AMDHD2: variants seen among roughly 807,000 people sequenced by gnomAD.
The protein encoded by AMDHD2 is N-acetylglucosamine-6-phosphate deacetylase.
Under a neutral mutation model 41.8 loss-of-function variants are expected in AMDHD2, and 24 were observed. The observed-to-expected ratio is 0.57, with a 90% CI of 0.42 to 0.81. The LOEUF (loss-of-function observed/expected upper bound fraction) is 0.81. Among genes scored for constraint, AMDHD2 ranks in the 30% least tolerant of loss-of-function variants. AMDHD2 has a pLI of 0.00. For missense variants in AMDHD2, 540 were observed against 588.5 expected, an observed-to-expected ratio of 0.92 and a Z score of 0.85; for synonymous variants, 332 against 255.5, an observed-to-expected ratio of 1.30 and a Z score of -2.85.
In AMDHD2 at chr16:2,520,730, C is replaced by G. The variant is rs199856154; in HGVS notation, c.84-39C>G. 4.1e-5 allele frequency: 61 copies of G among 1,500,190 alleles called. No homozygotes were observed. The Admixed American group carries it at 1.1e-3, about 26-fold the overall frequency. 92.9% of individuals were successfully genotyped at this position (1,500,190 alleles called of 1,614,324 possible). On this transcript the variant is annotated intron_variant, in intron 1 of 10. Coordinates refer to ENST00000293971, the MANE Select transcript of AMDHD2 (RefSeq NM_001330449.2). Reference sequence around the variant, plus strand: ...GGGGTGCAGGGTGCGGGGCCGAGGTCAGGCCCGCGATGCGAGCGCCCACCC... The same window carrying G: ...GGGGTGCAGGGTGCGGGGCCGAGGTGAGGCCCGCGATGCGAGCGCCCACCC...
intron 3 of AMDHD2, among the ~76,000 whole-genome samples, chr16:2,522,715 A>G (rs964570041): frequency 2.6e-5 from 4 of 151,810 alleles, no homozygotes; most frequent in African/African-American, 7.3e-5. Context: ...GGATCTCATT[A>G]TGTTGATCAG....
rs377691972 is a variant in AMDHD2 at position 2,528,449 on chromosome 16, C to T, written c.863-3C>T. 1.2e-6 allele frequency: 2 copies of T among 1,612,872 alleles called. No homozygotes were observed. Among genetic ancestry groups the T allele is most frequent in the East Asian group, 2.2e-5 (1 of 44,878 alleles). On this transcript the variant is annotated splice_region_variant and splice_polypyrimidine_tract_variant and intron_variant, in intron 7 of 10. Transcript: ENST00000293971. ...AGCAGGTTCTGAGCCTCTTCTCCCC[C>T]AGGGCTGGTGCTGGTCACCGATGCC... is the stretch of plus-strand genomic sequence containing the variant.
intron 3 of AMDHD2, among the ~76,000 whole-genome samples, chr16:2,522,668 C>A (rs865993309): frequency 4.6e-4 from 69 of 151,434 alleles, no homozygotes; most frequent in Middle Eastern, 3.4e-3. Context: ...CAGATCGAGA[C>A]TCCATCTCAA....
At position 2,530,712 on chromosome 16, in the gene AMDHD2, AG is replaced by A. The variant is rs772671578; in HGVS notation, c.*1152del. 1 of 1,614,022 alleles carries A rather than the reference AG, an allele frequency of 6.2e-7. No homozygotes were observed. Among genetic ancestry groups the A allele is most frequent in the South Asian group, 1.1e-5 (1 of 91,084 alleles). On this transcript the variant is annotated 3_prime_UTR_variant, in exon 11 of 11. Transcript: ENST00000293971. ...GATGGTCTGGGCCCCACCTGTTGGA[AG>A]GGAACAGCCAGGGAAGAACCACCTG...
Position 2,527,819 on chromosome 16 carries a change from G to A in AMDHD2, c.462G>A (p.Ala154=), listed in dbSNP as rs376711195. 47 of 1,590,798 alleles carry A rather than the reference G, an allele frequency of 3.0e-5. No homozygotes were observed. The highest frequency in any genetic ancestry group is 6.7e-5 in the East Asian group (3 of 44,674). ...GPFISREKRG[A]HPEAHLRSFE... ...TCATCAGCCGGGAGAAGCGGGGCGC[G>A]CACCCCGAGGCCCACCTCCGCTCCT... The change falls in exon 5 of 11, where the codon GCG becomes GCA. Residue 154 remains alanine (A), a synonymous_variant. Transcript: ENST00000293971. The surrounding 1 kb of genome is among the most constrained non-coding windows in gnomAD (Gnocchi z 6.1).
intron 7 of AMDHD2, 24 bp from the exon 8 acceptor site, chr16:2,528,428 G>A (rs1340206205): frequency 6.2e-7 from 1 of 1,612,828 alleles, no homozygotes; most frequent in Non-Finnish European, 8.5e-7. Flanking sequence ...TGGGCTAGCA[G>A]GTTCTGAGCC....
In AMDHD2 at chr16:2,531,029, T is replaced by C. The variant is rs773644356; in HGVS notation, c.*1466T>C. The C allele has an allele frequency of 2.5e-6, 4 of 1,602,688 alleles. No homozygotes were observed. Among genetic ancestry groups the C allele is most frequent in the Admixed American group, 1.7e-5 (1 of 59,780 alleles). ...CAGCCGATGTGTTAGAGGTTGAGCA[T>C]CGCCTGTGCCCAGCTTGCTGGCTGT... On this transcript the variant is annotated 3_prime_UTR_variant, in exon 11 of 11. Transcript: ENST00000293971.
chr16:2,530,963 C>T lies in AMDHD2; in HGVS notation c.*1400C>T. ...GTGCTGGGCCTGGGAGAGGAGCTGT[C>T]TTGCCAGGGCTCCCAGGCAGGGAGA... On this transcript the variant is annotated 3_prime_UTR_variant, in exon 11 of 11. Coordinates refer to ENST00000293971, the MANE Select transcript of AMDHD2 (RefSeq NM_001330449.2). The T allele has an allele frequency of 6.2e-7, 1 of 1,613,484 alleles. No homozygotes were observed. Among genetic ancestry groups the T allele is most frequent in the African/African-American group, 1.3e-5 (1 of 75,028 alleles).
intron 3 of AMDHD2, among the ~76,000 whole-genome samples, chr16:2,525,706 G>A (rs1391191060): frequency 6.6e-6 from 1 of 152,032 alleles, no homozygotes; most frequent in African/African-American, 2.4e-5. Flanking sequence ...CACCACGCAC[G>A]GCTAATTTTT....
chr16:2,524,817 C>T (rs926557921), intron 3 of AMDHD2, among the ~76,000 whole-genome samples: 8 of 152,040 alleles, frequency 5.3e-5, no homozygotes, highest in East Asian at 1.9e-4. Flanking sequence ...TCAGTGCTCT[C>T]GTGGCTCCGT....
chr16:2,527,200 G>C lies in AMDHD2; in HGVS notation c.361-361G>C. The stretch of plus-strand genomic sequence containing the variant: ...CATGGTGTGGACCACACACAGTGCT[G>C]AGCCCTGGCCATGCCCACACTGAGC... On this transcript the variant is annotated intron_variant, in intron 3 of 10. Coordinates refer to ENST00000293971, the MANE Select transcript of AMDHD2 (RefSeq NM_001330449.2). The surrounding 1 kb of genome is among the most constrained non-coding windows in gnomAD (Gnocchi z 6.1). 2.6e-6 allele frequency: 1 copy of C among 386,284 alleles called. No individual in the cohort carries two copies. The highest frequency in any genetic ancestry group is 7.3e-4 in the Middle Eastern group (1 of 1,370). The allele number at this position is 386,284 out of a possible 1,614,324, so 23.9% of individuals were successfully genotyped here. A position where few individuals can be genotyped will look rare whatever the true frequency, so the allele number is the denominator to read the frequency against.
At position 2,529,490 on chromosome 16, in the gene AMDHD2, A is replaced by G. The variant is rs1448998168; in HGVS notation, c.1157A>G (p.Asp386Gly). 1 of 1,611,068 alleles carries G rather than the reference A, an allele frequency of 6.2e-7. No homozygotes were observed. Among genetic ancestry groups the G allele is most frequent in the South Asian group, 1.1e-5 (1 of 91,078 alleles). ...FGADADFVVL[D>G]DSLHVQATYI... ...TCTGTCCCAGACTTCGTGGTGCTCGACGACTCCCTTCACGTCCAGGCCACC... is the reference window on the plus strand; with the variant it reads ...TCTGTCCCAGACTTCGTGGTGCTCGGCGACTCCCTTCACGTCCAGGCCACC... Residue 386 changes from aspartate (D) to glycine (G), a missense_variant, in exon 11 of 11, where the codon GAC (aspartate) becomes GGC (glycine). Physicochemically the swap from Asp to Gly is moderately conservative, Grantham distance 94. Transcript: ENST00000293971.
chr16:2,526,570 C>T (rs981330244), intron 3 of AMDHD2, among the ~76,000 whole-genome samples: 6 of 152,016 alleles, frequency 3.9e-5, no homozygotes, highest in Non-Finnish European at 8.8e-5. Flanking sequence ...CTTGCCAAGC[C>T]TCCAAAGTCT....
Position 2,531,345 on chromosome 16 carries a change from A to C in AMDHD2, c.*1782A>C, listed in dbSNP as rs2066094134. 1 of 521,438 alleles carries C rather than the reference A, an allele frequency of 1.9e-6. No homozygotes were observed. Among genetic ancestry groups the C allele is most frequent in the African/African-American group, 1.9e-5 (1 of 52,824 alleles). 32.3% of individuals were successfully genotyped at this position (521,438 alleles called of 1,614,324 possible). ...GCAGGATGATTTTGAGGTGTGGGGG[A>C]AGCACTCTTGGTTGGTTTTGGTTTG... On this transcript the variant is annotated 3_prime_UTR_variant, in exon 11 of 11. Coordinates refer to ENST00000293971, the MANE Select transcript of AMDHD2 (RefSeq NM_001330449.2).
At position 2,529,788 on chromosome 16, in the gene AMDHD2, C is replaced by T. The variant is rs933451771; in HGVS notation, c.*225C>T. 4.7e-5 allele frequency: 67 copies of T among 1,430,824 alleles called. No homozygotes were observed. The highest frequency in any genetic ancestry group is 5.2e-5 in the Non-Finnish European group (57 of 1,096,440). 88.6% of individuals were successfully genotyped at this position (1,430,824 alleles called of 1,614,324 possible). A position where few individuals can be genotyped will look rare whatever the true frequency, so the allele number is the denominator to read the frequency against. ...ACATGTGGCACCATCCTTGGTTGCC[C>T]TCCTGGAGAAGGCATTCACGGCCTG... On this transcript the variant is annotated 3_prime_UTR_variant, in exon 11 of 11. Coordinates refer to ENST00000293971, the MANE Select transcript of AMDHD2 (RefSeq NM_001330449.2).
chr16:2,529,154 C>A (rs1478463369), intron 10 of AMDHD2, 59 bp downstream of exon 10: 2 of 1,441,462 alleles, frequency 1.4e-6, no homozygotes, highest in East Asian at 2.5e-5. Flanking sequence ...CTCTGTTGTT[C>A]CTGGGGCGGC....
At position 2,520,457 on chromosome 16, in the gene AMDHD2, C is replaced by T. The variant is rs1360939482; in HGVS notation, c.-2C>T. 8 of 1,235,050 alleles carry T rather than the reference C, an allele frequency of 6.5e-6. No individual in the cohort carries two copies. Among genetic ancestry groups the T allele is most frequent in the Non-Finnish European group, 8.1e-6 (8 of 982,582 alleles). 76.5% of individuals were successfully genotyped at this position (1,235,050 alleles called of 1,614,324 possible). A position where few individuals can be genotyped will look rare whatever the true frequency, so the allele number is the denominator to read the frequency against. On this transcript the variant is annotated 5_prime_UTR_variant, in exon 1 of 11. The change creates a new upstream start codon in the 5' untranslated region. Coordinates refer to ENST00000293971, the MANE Select transcript of AMDHD2 (RefSeq NM_001330449.2). ...AGCCGCTCGCTCCCGACACGGCTCACGATGCGCGGCGAGCAGGGCGCGGCG... is the reference window on the plus strand; with the variant it reads ...AGCCGCTCGCTCCCGACACGGCTCATGATGCGCGGCGAGCAGGGCGCGGCG...
At chr16:2,528,205 C>T in intron 6 of AMDHD2, 31 bp from the exon 7 acceptor site, 1 of 1,612,086 alleles carries the variant, frequency 6.2e-7, no homozygotes, top group East Asian at 2.2e-5. Flanking sequence ...CCTGCTGTCG[C>T]TCAGCCATCC....
chr16:2,521,298 G>A (rs1193141773), intron 3 of AMDHD2, among the ~76,000 whole-genome samples, 175 bp downstream of exon 3: 1 of 149,984 alleles, frequency 6.7e-6, no homozygotes, highest in African/African-American at 2.5e-5. Flanking sequence ...TTTATCAGTT[G>A]TCGCTCTGCC....
Sources: allele counts gnomAD v4.1 joint callset (sites outside exome capture counted in the v4.1 genomes callset), GRCh38; gene constraint gnomAD v4.1.1; non-coding constraint Gnocchi (gnomAD v3.1); transcripts MANE v1.5; gene names NCBI Gene and HGNC (gene_info 2026-07-23, HGNC 2026-07-21).